Variants in KIF25 observed in about 807,000 individuals in gnomAD.
KIF25 encodes the protein kinesin-like protein KIF25.
Under a neutral mutation model 32.9 loss-of-function variants are expected in KIF25, and 19 were observed. That is an observed-to-expected ratio of 0.58 (90% CI 0.40 to 0.85). The LOEUF (loss-of-function observed/expected upper bound fraction) is 0.85. KIF25 is among the 40% of genes least tolerant of loss of function. The probability of loss-of-function intolerance (pLI) is 0.00; values close to 1 mark genes in which losing one functional copy is unlikely to be tolerated. For synonymous variants in KIF25, 225 were observed against 213.7 expected (o/e 1.05, Z -0.46); for missense variants, 485 against 507.0 (o/e 0.96, Z 0.42).
intron 12 of KIF25, among the ~76,000 whole-genome samples, chr6:168,043,739 G>T (rs1432197826): frequency 1.3e-5 from 2 of 152,266 alleles, no homozygotes. Flanking sequence ...CACAGTACCT[G>T]AGAGCCAGCA....
intron 8 of KIF25, among the ~76,000 whole-genome samples, chr6:168,036,891 A>T (rs1799032806): frequency 1.3e-5 from 2 of 152,132 alleles, no homozygotes; most frequent in South Asian, 4.1e-4. Context: ...GCAAAACCCC[A>T]TCTCTACTAA....
At chr6:168,002,735 A>G (rs1264477819) in intron 3 of KIF25, 76 bp downstream of exon 3, 1 of 152,156 alleles carries the variant, frequency 6.6e-6, no homozygotes, top group Non-Finnish European at 1.5e-5. Flanking sequence ...TGTGCACTTT[A>G]TTTCTATTAT....
Position 168,000,718 on chromosome 6 carries a change from T to TC in KIF25, c.-370+1400dup, listed in dbSNP as rs1238696678. ...CTCCCATTGCTGACCCTCCCGCCAC[T>TC]CCAAGGTGCTGCGCTTCCCGGCTGT... On this transcript the variant is annotated intron_variant, in intron 2 of 12. Transcript: ENST00000643607. Among the ~76,000 whole-genome samples the TC allele has an allele frequency of 4.0e-5, 6 of 150,618 alleles. No individual in the cohort carries two copies. The East Asian group carries it at 1.2e-3, about 29-fold the overall frequency.
rs571743892 is a variant in KIF25, at chr6:168,014,114, C to T, written c.-162-3859C>T. The stretch of plus-strand genomic sequence containing the variant: ...ATCAGGACTTCGTGTTAACAGGAGC[C>T]CTTGGGACCTTATCAATCCCCTCCT... On this transcript the variant is annotated intron_variant, in intron 4 of 12. Transcript: ENST00000643607. 5.3e-5 allele frequency among the ~76,000 whole-genome samples: 8 copies of T among 152,124 alleles called. No individual in the cohort carries two copies. In the East Asian group the frequency reaches 1.5e-3, roughly 29 times the overall value.
chr6:168,038,479 G>A (rs1011424146), intron 8 of KIF25, 74 bp from the exon 9 acceptor site: 16 of 1,485,660 alleles, frequency 1.1e-5, no homozygotes, highest in Admixed American at 5.1e-5. Context: ...AGGGCGTCTG[G>A]GGCTATGATT....
intron 5 of KIF25, among the ~76,000 whole-genome samples, chr6:168,025,411 C>T (rs967353867): frequency 5.9e-5 from 9 of 152,082 alleles, no homozygotes; most frequent in East Asian, 1.9e-4. Context: ...ACGAGCCCCG[C>T]GGGGCTGGGG....
chr6:168,028,388 C>T (rs1466982231), intron 5 of KIF25, among the ~76,000 whole-genome samples: 1 of 152,024 alleles, frequency 6.6e-6, no homozygotes, highest in Non-Finnish European at 1.5e-5. Flanking sequence ...TCCCCACTGA[C>T]CTGAGATGCC....
At chr6:168,004,142 G>T (rs1798547434) in intron 4 of KIF25, among the ~76,000 whole-genome samples, 1 of 152,140 alleles carries the variant, frequency 6.6e-6, no homozygotes, top group Admixed American at 6.5e-5. Context: ...CAACACCCCA[G>T]GGGTGTCTGA....
intron 4 of KIF25, among the ~76,000 whole-genome samples, chr6:168,004,358 A>C (rs530740313): frequency 6.6e-6 from 1 of 152,346 alleles, no homozygotes; most frequent in East Asian, 1.9e-4. Context: ...GGAGGGACTA[A>C]AGCAGATTGA....
At position 167,998,495 on chromosome 6, in the gene KIF25, T is replaced by G. The variant is rs560578238; in HGVS notation, c.-974T>G. The stretch of plus-strand genomic sequence containing the variant: ...TCCAAGACAAGATTTCAGAATGGAT[T>G]TGGCAAGTTCTGAGCACATACGGAG... On this transcript the variant is annotated 5_prime_UTR_variant, in exon 1 of 13. In the 5' UTR this introduces an upstream ATG that the reference lacks. Coordinates refer to ENST00000643607, the MANE Select transcript of KIF25 (RefSeq NM_030615.4). The G allele has an allele frequency of 7.9e-5, 12 of 152,282 alleles. No individual in the cohort carries two copies. In the South Asian group the frequency reaches 8.3e-4, roughly 11 times the overall value. The allele number at this position is 152,282 out of a possible 1,614,324, so 9.4% of individuals were successfully genotyped here. A position where few individuals can be genotyped will look rare whatever the true frequency, so the allele number is the denominator to read the frequency against.
chr6:168,034,062 A>G (rs777362854), intron 8 of KIF25, 31 bp downstream of exon 8: 1 of 1,608,794 alleles, frequency 6.2e-7, no homozygotes, highest in African/African-American at 1.3e-5. Flanking sequence ...TGGGGCAGAG[A>G]AATATGGCAG....
In KIF25 at chr6:168,033,789, G is replaced by A. The variant is rs569415226; in HGVS notation, c.168-93G>A. 1.2e-5 allele frequency: 16 copies of A among 1,291,688 alleles called. 1 individual carries two copies. In the South Asian group the frequency reaches 2.2e-4, roughly 18 times the overall value. The allele number at this position is 1,291,688 out of a possible 1,614,324, so 80.0% of individuals were successfully genotyped here. ...GTAACAGGAGAATAGGAAATGAAAT[G>A]TATTGAAGTTTCTCATACAAGTGAA... On this transcript the variant is annotated intron_variant, in intron 7 of 12. Transcript: ENST00000643607.
At chr6:168,009,918 T>C (rs969469462) in intron 4 of KIF25, among the ~76,000 whole-genome samples, 1 of 152,070 alleles carries the variant, frequency 6.6e-6, no homozygotes, top group East Asian at 1.9e-4. Flanking sequence ...CGTTGTGATA[T>C]CTCTTTTTCT....
intron 2 of KIF25, among the ~76,000 whole-genome samples, chr6:168,001,580 CG>C (rs1798502908): frequency 1.8e-5 from 1 of 54,372 alleles, no homozygotes; most frequent in Admixed American, 1.8e-4. Context: ...ACACCTGAGG[CG>C]TGGCCTCGGG....
At chr6:168,027,018 A>G (rs1404239507) in intron 5 of KIF25, among the ~76,000 whole-genome samples, 1 of 152,156 alleles carries the variant, frequency 6.6e-6, no homozygotes, top group Non-Finnish European at 1.5e-5. Context: ...ACCAAGACCT[A>G]GAGCTGTAGG....
At chr6:168,021,163 A>G (rs1326964090) in intron 5 of KIF25, among the ~76,000 whole-genome samples, 1 of 152,194 alleles carries the variant, frequency 6.6e-6, no homozygotes, top group Admixed American at 6.5e-5. Context: ...ATAAACCCAC[A>G]CAGATGCAGG....
chr6:168,021,014 A>T (rs922720518), intron 5 of KIF25, among the ~76,000 whole-genome samples: 1 of 152,246 alleles, frequency 6.6e-6, no homozygotes. Flanking sequence ...TGAAGGAACT[A>T]TAATAGCCGA....
chr6:168,015,916 G>A (rs1182458068), intron 4 of KIF25, among the ~76,000 whole-genome samples: 1 of 152,162 alleles, frequency 6.6e-6, no homozygotes, highest in African/African-American at 2.4e-5. Flanking sequence ...GTTAGACACT[G>A]TAGACCTTTG....
intron 6 of KIF25, 38 bp from the exon 7 acceptor site, chr6:168,030,735 T>C: frequency 1.9e-6 from 3 of 1,564,328 alleles, no homozygotes; most frequent in Non-Finnish European, 2.6e-6. Flanking sequence ...CGCTTTCTGC[T>C]GCTTCTATTA....
Sources: gnomAD v4.1 joint callset for allele counts (sites outside exome capture counted in the v4.1 genomes callset) on GRCh38, gnomAD v4.1.1 for gene constraint, MANE v1.5 for transcripts, NCBI Gene and HGNC (gene_info 2026-07-23, HGNC 2026-07-21) for gene names.